CFTR: variants seen among roughly 807,000 people sequenced by gnomAD.
CFTR encodes CF transmembrane conductance regulator, also known as cystic fibrosis transmembrane conductance regulator.
CFTR carries 181 observed loss-of-function variants against 171.6 expected under a neutral mutation model. The observed-to-expected ratio is 1.05, with a 90% CI of 0.93 to 1.19. The LOEUF (loss-of-function observed/expected upper bound fraction) is 1.19, where lower values mean the gene tolerates loss of function less well. Ranked by LOEUF, CFTR falls within the 50% of genes most tolerant of loss-of-function variation. The probability of loss-of-function intolerance (pLI) is 0.00; values close to 1 mark genes in which losing one functional copy is unlikely to be tolerated. For synonymous variants in CFTR, 583 were observed against 608.0 expected, an observed-to-expected ratio of 0.96 and a Z score of 0.60; for missense variants, 1,968 against 1,734.7, an observed-to-expected ratio of 1.13 and a Z score of -2.39.
intron 2 of CFTR, among the ~76,000 whole-genome samples, chr7:117,506,466 G>A (rs34717021): frequency 0.015 from 2,246 of 152,224 alleles, 57 homozygotes; most frequent in African/African-American, 0.051. Flanking sequence ...GGCTGGTCTT[G>A]AACTCCTGAC....
rs546234059 is a variant in CFTR, at chr7:117,592,121, C to A, written c.1954C>A (p.Gln652Lys). The A allele has an allele frequency of 1.2e-6, 2 of 1,613,858 alleles. No homozygotes were observed. Among genetic ancestry groups the A allele is most frequent in the South Asian group, 1.1e-5 (1 of 91,062 alleles). ...ACTCATGGGATGTGATTCTTTCGAC[C>A]AATTTAGTGCAGAAAGAAGAAATTC... ...SKLMGCDSFD[Q>K]FSAERRNSIL... The change falls in exon 14 of 27, where the codon CAA (glutamine) becomes AAA (lysine). Residue 652 changes from glutamine to lysine, a missense_variant. By Grantham distance (53) the Gln-to-Lys change is moderately conservative. Coordinates refer to ENST00000003084, the MANE Select transcript of CFTR (RefSeq NM_000492.4).
intron 11 of CFTR, among the ~76,000 whole-genome samples, chr7:117,584,917 GTTTTT>G (rs59048119): frequency 2.0e-4 from 30 of 147,056 alleles, no homozygotes; most frequent in African/African-American, 7.4e-4. Context: ...ATGTATTTTA[GTTTTT>G]TTTTTTTGTT....
At chr7:117,521,050 A>T (rs1394780672) in intron 3 of CFTR, among the ~76,000 whole-genome samples, 1 of 152,074 alleles carries the variant, frequency 6.6e-6, no homozygotes, top group African/African-American at 2.4e-5. Flanking sequence ...ATGTTTTGTG[A>T]GATGTATATT....
intron 22 of CFTR, among the ~76,000 whole-genome samples, chr7:117,630,629 G>A (rs2116137068): frequency 1.3e-5 from 2 of 152,258 alleles, no homozygotes; most frequent in Middle Eastern, 6.8e-3. Context: ...AAGAGATCGG[G>A]CTTCTCCCCT....
At chr7:117,612,923 A>G (rs73215927) in intron 20 of CFTR, among the ~76,000 whole-genome samples, 4,907 of 152,188 alleles carry the variant, frequency 0.032, 142 homozygotes, top group Middle Eastern at 0.1. Context: ...TCCTGAATTT[A>G]CAGGAGAGTT....
At chr7:117,642,409 G>T in intron 22 of CFTR, 29 bp from the exon 23 acceptor site, 1 of 1,594,840 alleles carries the variant, frequency 6.3e-7, no homozygotes, top group Non-Finnish European at 8.6e-7. Flanking sequence ...ATATGTCACA[G>T]AAGTGATCCC....
chr7:117,520,803 A>G (rs1489590079), intron 3 of CFTR, among the ~76,000 whole-genome samples: 1 of 151,966 alleles, frequency 6.6e-6, no homozygotes, highest in Non-Finnish European at 1.5e-5. Flanking sequence ...TTGAATGGAT[A>G]TTCTGTGCTT....
intron 3 of CFTR, among the ~76,000 whole-genome samples, chr7:117,513,932 C>T (rs1346512793): frequency 1.3e-5 from 2 of 152,152 alleles, no homozygotes; most frequent in Non-Finnish European, 2.9e-5. Context: ...TGTACATCTT[C>T]CCCTTAGTTC....
rs774199624 is a variant in CFTR, at chr7:117,592,307, G to T, written c.2140G>T (p.Val714Leu). The T allele has an allele frequency of 1.2e-6, 2 of 1,614,120 alleles. No homozygotes were observed. Among genetic ancestry groups the T allele is most frequent in the East Asian group, 4.5e-5 (2 of 44,888 alleles). Residue 714 changes from valine to leucine, a missense_variant, in exon 14 of 27, where the codon GTG becomes TTG. Transcript: ENST00000003084. ...CAACTCTATACGAAAATTTTCCATTGTGCAAAAGACTCCCTTACAAATGAA... is the reference window on the plus strand; with the variant it reads ...CAACTCTATACGAAAATTTTCCATTTTGCAAAAGACTCCCTTACAAATGAA... The part of the protein sequence containing the change: ...PINSIRKFSI[V>L]QKTPLQMNGI...
rs1429560 is a variant in CFTR at position 117,575,430 on chromosome 7, T to C, written c.1585-12309T>C. 5.4e-3 allele frequency among the ~76,000 whole-genome samples: 819 copies of C among 152,280 alleles called. 6 individuals carry two copies. The highest frequency in any genetic ancestry group is 0.018 in the African/African-American group (767 of 41,576). On this transcript the variant is annotated intron_variant, in intron 11 of 26. Coordinates refer to ENST00000003084, the MANE Select transcript of CFTR (RefSeq NM_000492.4). ...TACCAATTATCTTTTTGGTAAGTTA[T>C]TGTGGTGGCCATGAGATGTGCCTTA...
intron 3 of CFTR, among the ~76,000 whole-genome samples, chr7:117,519,529 A>G (rs1584780585): frequency 6.6e-6 from 1 of 151,866 alleles, no homozygotes; most frequent in Non-Finnish European, 1.5e-5. Context: ...TTTATTTATT[A>G]TTGTAAGTTG....
chr7:117,667,556 A>G lies in CFTR; in HGVS notation c.*448A>G. 1 of 274,698 alleles carries G rather than the reference A, an allele frequency of 3.6e-6. No homozygotes were observed. The highest frequency in any genetic ancestry group is 7.1e-6 in the Non-Finnish European group (1 of 141,206). The allele number at this position is 274,698 out of a possible 1,614,324, so 17.0% of individuals were successfully genotyped here. A position where few individuals can be genotyped will look rare whatever the true frequency, so the allele number is the denominator to read the frequency against. On this transcript the variant is annotated 3_prime_UTR_variant, in exon 27 of 27. Coordinates refer to ENST00000003084, the MANE Select transcript of CFTR (RefSeq NM_000492.4). ...TGATAACTGGAAACTTCAGCGGTTT[A>G]TATAAGCTTGTATTCCTTTTTCTCT...
At chr7:117,638,309 A>C (rs761573314) in intron 22 of CFTR, among the ~76,000 whole-genome samples, 15 of 152,336 alleles carry the variant, frequency 9.8e-5, no homozygotes, top group African/African-American at 3.1e-4. Context: ...TCTACAAACC[A>C]GATCAGAATC....
intron 7 of CFTR, 60 bp downstream of exon 7, chr7:117,536,733 A>G: frequency 7.2e-7 from 1 of 1,387,026 alleles, no homozygotes; most frequent in Admixed American, 1.7e-5. Flanking sequence ...TTTTAAAAAT[A>G]TGTTTATCAT....
chr7:117,590,329 A>C (rs1792005632), intron 12 of CFTR, 24 bp from the exon 13 acceptor site: 1 of 1,597,878 alleles, frequency 6.3e-7, no homozygotes, highest in African/African-American at 1.3e-5. Flanking sequence ...AGGAAATGTA[A>C]TTTAATTTCC....
chr7:117,606,639 G>A (rs1356417051), intron 17 of CFTR, 35 bp from the exon 18 acceptor site: 1 of 1,164,888 alleles, frequency 8.6e-7, no homozygotes, highest in Non-Finnish European at 1.3e-6. Flanking sequence ...AAAAATTAGT[G>A]TTTTTTGAGG....
intron 12 of CFTR, among the ~76,000 whole-genome samples, chr7:117,589,840 G>T (rs1187816800): frequency 1.3e-5 from 2 of 151,932 alleles, no homozygotes; most frequent in Non-Finnish European, 2.9e-5. Context: ...TAATTTATTA[G>T]CTGTCTCTGA....
At chr7:117,531,164 A>C (rs954990448) in intron 4 of CFTR, 50 bp downstream of exon 4, 1 of 1,392,836 alleles carries the variant, frequency 7.2e-7, no homozygotes, top group African/African-American at 1.4e-5. Flanking sequence ...TGTATCGTAC[A>C]TGTTTTAATG....
At chr7:117,526,349 A>T (rs1222718165) in intron 3 of CFTR, among the ~76,000 whole-genome samples, 2 of 125,652 alleles carry the variant, frequency 1.6e-5, no homozygotes, top group African/African-American at 6.4e-5. Context: ...AATCTCTGGG[A>T]TGCATTCAAA....
Sources: allele counts gnomAD v4.1 joint callset (sites outside exome capture counted in the v4.1 genomes callset), GRCh38; gene constraint gnomAD v4.1.1; transcripts MANE v1.5; gene names NCBI Gene and HGNC (gene_info 2026-07-23, HGNC 2026-07-21).